Variants in HIVEP2 observed in about 807,000 individuals in gnomAD.
HIVEP2 encodes HIVEP zinc finger 2, also known as transcription factor HIVEP2.
Under a neutral mutation model 180.7 loss-of-function variants are expected in HIVEP2, and 14 were observed. The observed-to-expected ratio is 0.08, with a 90% CI of 0.05 to 0.12. The LOEUF (loss-of-function observed/expected upper bound fraction) is 0.12. HIVEP2 is among the 10% of genes least tolerant of loss of function. The probability of loss-of-function intolerance (pLI) is 1.00; values close to 1 mark genes in which losing one functional copy is unlikely to be tolerated. For missense variants in HIVEP2, 2,579 were observed against 3,008.5 expected (o/e 0.86, Z 3.34); for synonymous variants, 1,184 against 1,136.4 (o/e 1.04, Z -0.84).
intron 1 of HIVEP2, among the ~76,000 whole-genome samples, chr6:142,936,472 G>A (rs1395338008): frequency 6.6e-6 from 1 of 151,842 alleles, no homozygotes; most frequent in Admixed American, 6.6e-5. Context: ...TTACAGCCGT[G>A]AGCCACCGCC....
chr6:142,769,528 T>C (rs1775465682), intron 5 of HIVEP2, 24 bp downstream of exon 5: 1 of 1,600,028 alleles, frequency 6.2e-7, no homozygotes, highest in Non-Finnish European at 8.6e-7. Context: ...AATACAAAGT[T>C]CTTCCTAAAA....
chr6:142,817,835 A>G (rs1776883598), intron 2 of HIVEP2, among the ~76,000 whole-genome samples: 1 of 151,988 alleles, frequency 6.6e-6, no homozygotes, highest in South Asian at 2.1e-4. Context: ...CCTGGCCAAC[A>G]TCTCTACTAA....
intron 2 of HIVEP2, among the ~76,000 whole-genome samples, chr6:142,802,302 A>T (rs560741175): frequency 1.3e-5 from 2 of 152,224 alleles, no homozygotes; most frequent in African/African-American, 4.8e-5. Context: ...GCACACAGGG[A>T]CTTCCCCCCA....
Position 142,774,247 on chromosome 6 carries a change from T to C in HIVEP2, c.492A>G (p.Gln164=), listed in dbSNP as rs1775632547. The change falls in exon 5 of 10, where the codon CAA becomes CAG. Residue 164 remains glutamine (Q), a synonymous_variant. Coordinates refer to ENST00000367603, the MANE Select transcript of HIVEP2 (RefSeq NM_006734.4). This position sits in a 1 kb window ranked among gnomAD's most constrained non-coding sequence, Gnocchi z 5.1. ...CCTGTTCAATACTTTTCTGGGAGTA[T>C]TGGCTATAAGCAGGGTTCAGACTTG... is the stretch of plus-strand genomic sequence containing the variant. ...KISSLNPAYS[Q]YSQKSIEQAE... is the part of the protein sequence containing the mutation. The C allele has an allele frequency of 6.2e-7, 1 of 1,614,184 alleles. No homozygotes were observed. The highest frequency in any genetic ancestry group is 8.5e-7 in the Non-Finnish European group (1 of 1,180,046).
intron 1 of HIVEP2, among the ~76,000 whole-genome samples, chr6:142,883,607 C>A (rs1371079222): frequency 1.3e-5 from 2 of 152,062 alleles, no homozygotes; most frequent in African/African-American, 2.4e-5. Flanking sequence ...ACATCCCTTA[C>A]AACGTAGGGC....
intron 1 of HIVEP2, among the ~76,000 whole-genome samples, chr6:142,894,735 A>T (rs1039679801): frequency 6.6e-6 from 1 of 152,108 alleles, no homozygotes; most frequent in Non-Finnish European, 1.5e-5. Flanking sequence ...TATTTTACAG[A>T]TGAGGAAACT....
chr6:142,917,226 T>A (rs1337622918), intron 1 of HIVEP2, among the ~76,000 whole-genome samples: 1 of 152,236 alleles, frequency 6.6e-6, no homozygotes, highest in African/African-American at 2.4e-5. Flanking sequence ...GTTGGTTTTA[T>A]CACTAATTCT....
rs201565528 is a variant in HIVEP2 at position 142,761,492 on chromosome 6, C to T, written c.5592G>A (p.Ser1864=). Residue 1864 remains serine (S), a synonymous_variant, in exon 8 of 10, where the codon TCG becomes TCA. Transcript: ENST00000367603. Reference sequence around the variant, plus strand: ...CTTCCTCAGTTTCTGTATCATCCACCGATGTCATTGAGACTCCCAATTCCA... The same window carrying T: ...CTTCCTCAGTTTCTGTATCATCCACTGATGTCATTGAGACTCCCAATTCCA... ...KCLELGVSMT[S]VDDTETEEAE... 380 of 1,602,752 alleles carry T rather than the reference C, an allele frequency of 2.4e-4. No individual in the cohort carries two copies. Among genetic ancestry groups the T allele is most frequent in the Non-Finnish European group, 2.7e-4 (311 of 1,169,878 alleles).
intron 7 of HIVEP2, 93 bp downstream of exon 7, chr6:142,764,700 CTATCTT>C: frequency 1.1e-6 from 1 of 871,802 alleles, no homozygotes; most frequent in Non-Finnish European, 1.8e-6. Context: ...CACAAACAAA[CTATCTT>C]TATTGTTGAT....
rs757522237 is a variant in HIVEP2, at chr6:142,760,393, A to C, written c.5895T>G (p.His1965Gln). Reference sequence around the variant, plus strand: ...TAACCAAATAGCTGATCAACGAAGAATGTCCCAGGGAACTATCTGAAGGAA... The same window carrying C: ...TAACCAAATAGCTGATCAACGAAGACTGTCCCAGGGAACTATCTGAAGGAA... ...HGVPSDSSLGHSSLISYLVTL... is the reference protein window; with the variant it reads ...HGVPSDSSLGQSSLISYLVTL... The change falls in exon 9 of 10, where the codon CAT becomes CAG. Residue 1965 changes from histidine (H) to glutamine (Q), a missense_variant. His to Gln is a conservative substitution (Grantham distance 24). Around this residue, in one of 11 missense-constraint regions of HIVEP2, gnomAD observed 660 missense variants for 731.7 expected, o/e 0.90. Transcript: ENST00000367603. The C allele has an allele frequency of 1.9e-6, 3 of 1,614,234 alleles. No homozygotes were observed. The highest frequency in any genetic ancestry group is 4.5e-5 in the East Asian group (2 of 44,882).
chr6:142,840,256 C>G (rs1012869397), intron 1 of HIVEP2, among the ~76,000 whole-genome samples: 2 of 152,086 alleles, frequency 1.3e-5, no homozygotes, highest in South Asian at 4.2e-4. Context: ...CTTGAAAAGC[C>G]CTCCCCTTGT....
chr6:142,936,005 C>A (rs993916018), intron 1 of HIVEP2, among the ~76,000 whole-genome samples: 1 of 151,734 alleles, frequency 6.6e-6, no homozygotes, highest in South Asian at 2.1e-4. Flanking sequence ...CCCAGCTACT[C>A]AGGGGACTGA....
At chr6:142,878,006 C>T (rs890845062) in intron 1 of HIVEP2, among the ~76,000 whole-genome samples, 1 of 151,988 alleles carries the variant, frequency 6.6e-6, no homozygotes, top group Admixed American at 6.6e-5. Context: ...TAACATGGAG[C>T]CCAAAAGGTG....
chr6:142,763,705 A>C (rs1024921295), intron 7 of HIVEP2, among the ~76,000 whole-genome samples: 19 of 152,212 alleles, frequency 1.2e-4, no homozygotes, highest in Non-Finnish European at 1.3e-4. Context: ...GGAATCTCTT[A>C]GTAAAGTTCT....
intron 1 of HIVEP2, among the ~76,000 whole-genome samples, chr6:142,920,928 A>G (rs989989218): frequency 2.0e-5 from 3 of 152,186 alleles, no homozygotes; most frequent in Non-Finnish European, 4.4e-5. Context: ...GGCTGTAGTG[A>G]GCTATTATCA....
At chr6:142,905,695 T>G in intron 1 of HIVEP2, among the ~76,000 whole-genome samples, 1 of 152,306 alleles carries the variant, frequency 6.6e-6, no homozygotes, top group Middle Eastern at 3.4e-3. Context: ...CTACATTTAA[T>G]CTGAAAAAAT....
At chr6:142,853,836 G>T (rs1775751666) in intron 1 of HIVEP2, among the ~76,000 whole-genome samples, 1 of 152,184 alleles carries the variant, frequency 6.6e-6, no homozygotes. Flanking sequence ...GATGGCAGAA[G>T]AATGGAAAAG....
intron 1 of HIVEP2, among the ~76,000 whole-genome samples, chr6:142,877,567 T>C (rs1367815734): frequency 2.0e-5 from 3 of 152,142 alleles, no homozygotes. Flanking sequence ...CCAAATTGTA[T>C]CTCATTCCAA....
At chr6:142,812,815 A>T (rs113400173) in intron 2 of HIVEP2, among the ~76,000 whole-genome samples, 17 of 152,218 alleles carry the variant, frequency 1.1e-4, no homozygotes, top group African/African-American at 4.1e-4. Flanking sequence ...GAAAAGTTCA[A>T]AATTTGATAT....
Sources: gnomAD v4.1 joint callset for allele counts (sites outside exome capture counted in the v4.1 genomes callset) on GRCh38, gnomAD v4.1.1 for gene constraint, gnomAD v4.1.1 regional missense constraint, Gnocchi (gnomAD v3.1) non-coding constraint, MANE v1.5 for transcripts, NCBI Gene and HGNC (gene_info 2026-07-23, HGNC 2026-07-21) for gene names.